DGKD: variants seen among roughly 807,000 people sequenced by gnomAD.
The protein encoded by DGKD is diacylglycerol kinase delta.
Under a neutral mutation model 154.4 loss-of-function variants are expected in DGKD, and 68 were observed. The ratio of observed to expected loss-of-function variants is 0.44; its 90% confidence interval spans 0.36 to 0.54. The LOEUF is 0.54. DGKD is among the 20% of genes least tolerant of loss of function. The pLI is 0.00. For missense variants in DGKD, 1,343 were observed against 1,593.6 expected (o/e 0.84, Z 2.68); for synonymous variants, 693 against 638.0 (o/e 1.09, Z -1.30).
At chr2:233,429,293 G>A (rs2062427105) in intron 3 of DGKD, 1 of 985,294 alleles carries the variant, frequency 1.0e-6, no homozygotes, top group East Asian at 1.1e-4. Flanking sequence ...CCCGAGTTAT[G>A]CACAGTAAGG....
intron 1 of DGKD, among the ~76,000 whole-genome samples, chr2:233,377,724 C>T (rs1702655007): frequency 6.6e-6 from 1 of 151,998 alleles, no homozygotes; most frequent in Non-Finnish European, 1.5e-5. Flanking sequence ...AAATGTTTGT[C>T]TTCAGGGCCA....
chr2:233,375,464 C>T (rs151197200), intron 1 of DGKD, among the ~76,000 whole-genome samples: 9 of 152,226 alleles, frequency 5.9e-5, no homozygotes, highest in Admixed American at 3.3e-4. Context: ...GGACTTTATT[C>T]TCCAAATGTC....
At chr2:233,430,165 T>C (rs1254615760) in intron 3 of DGKD, among the ~76,000 whole-genome samples, 1 of 152,208 alleles carries the variant, frequency 6.6e-6, no homozygotes, top group African/African-American at 2.4e-5. Flanking sequence ...GTGGGAATAA[T>C]TTGGCAATAG....
At chr2:233,413,854 T>C (rs924021966) in intron 3 of DGKD, among the ~76,000 whole-genome samples, 2 of 152,358 alleles carry the variant, frequency 1.3e-5, no homozygotes, top group South Asian at 2.1e-4. Flanking sequence ...GGAAAAAATA[T>C]TTTCAACCTT....
At chr2:233,463,793 T>C in intron 26 of DGKD, 1 of 287,376 alleles carries the variant, frequency 3.5e-6, no homozygotes, top group Admixed American at 4.4e-5. Context: ...GTGTCCTCAC[T>C]GCACACCTCC....
chr2:233,400,883 C>A (rs946945573), intron 3 of DGKD, among the ~76,000 whole-genome samples: 1 of 152,090 alleles, frequency 6.6e-6, no homozygotes, highest in Non-Finnish European at 1.5e-5. Flanking sequence ...GTTCAGTTGC[C>A]TTTTACTTCC....
chr2:233,382,067 C>T (rs1021812627), intron 1 of DGKD, among the ~76,000 whole-genome samples: 5 of 152,140 alleles, frequency 3.3e-5, no homozygotes, highest in Non-Finnish European at 7.4e-5. Flanking sequence ...AACCCTGTCT[C>T]TACTAAAAAT....
chr2:233,440,407 G>A lies in DGKD; in HGVS notation c.1086-1480G>A, dbSNP rs563255498. 2.0e-5 allele frequency among the ~76,000 whole-genome samples: 3 copies of A among 152,364 alleles called. No individual in the cohort carries two copies. The highest frequency in any genetic ancestry group is 2.1e-4 in the South Asian group (1 of 4,828). ...GGCAGGGTGCGCAGGTGAGCCAGGCGGGGAGTGCAGATGCAGGGAATGGGT... is the reference window on the plus strand; with the variant it reads ...GGCAGGGTGCGCAGGTGAGCCAGGCAGGGAGTGCAGATGCAGGGAATGGGT... On this transcript the variant is annotated intron_variant, in intron 9 of 29. Transcript: ENST00000264057. The surrounding 1 kb of genome is among the most constrained non-coding windows in gnomAD (Gnocchi z 4.9).
chr2:233,409,454 C>T (rs2061767878), intron 3 of DGKD, among the ~76,000 whole-genome samples: 1 of 150,630 alleles, frequency 6.6e-6, no homozygotes, highest in East Asian at 1.9e-4. Flanking sequence ...CATCTTTACT[C>T]AGTATGCTTT....
At chr2:233,382,543 C>G (rs920728157) in intron 1 of DGKD, among the ~76,000 whole-genome samples, 5 of 152,124 alleles carry the variant, frequency 3.3e-5, no homozygotes, top group Admixed American at 3.3e-4. Flanking sequence ...CTGCCTGCAG[C>G]CCCTCTGTCC....
At chr2:233,392,845 G>A (rs1703719454) in intron 3 of DGKD, among the ~76,000 whole-genome samples, 1 of 152,168 alleles carries the variant, frequency 6.6e-6, no homozygotes, top group African/African-American at 2.4e-5. Context: ...TTAGTAGCGT[G>A]TACTGTTGTG....
intron 1 of DGKD, among the ~76,000 whole-genome samples, chr2:233,363,272 G>T (rs940746664): frequency 6.6e-6 from 1 of 152,042 alleles, no homozygotes; most frequent in African/African-American, 2.4e-5. Flanking sequence ...TCCTGACTCT[G>T]TGTAGGTCTA....
At position 233,464,287 on chromosome 2, in the gene DGKD, T is replaced by C. The variant is rs778639329; in HGVS notation, c.3306+4T>C. 2.5e-6 allele frequency: 4 copies of C among 1,613,368 alleles called. No homozygotes were observed. The highest frequency in any genetic ancestry group is 4.5e-5 in the East Asian group (2 of 44,884). ...CGCAGAGCCCGGCGACGAAGAGGTATGTGGCTCATAGGGCTGTGCCTGGGT... is the reference window on the plus strand; with the variant it reads ...CGCAGAGCCCGGCGACGAAGAGGTACGTGGCTCATAGGGCTGTGCCTGGGT... On this transcript the variant is annotated splice_donor_region_variant and intron_variant, in intron 27 of 29. Coordinates refer to ENST00000264057, the MANE Select transcript of DGKD (RefSeq NM_152879.3).
intron 1 of DGKD, among the ~76,000 whole-genome samples, chr2:233,381,125 C>T (rs747296708): frequency 6.6e-6 from 1 of 152,186 alleles, no homozygotes; most frequent in South Asian, 2.1e-4. Context: ...CAGAGCTGAG[C>T]GGGATTCTGC....
intron 28 of DGKD, among the ~76,000 whole-genome samples, chr2:233,467,990 C>T (rs911553803): frequency 6.6e-6 from 1 of 152,146 alleles, no homozygotes; most frequent in Non-Finnish European, 1.5e-5. Flanking sequence ...TGGCCACAAT[C>T]ATGAGGACAT....
chr2:233,454,487 T>G (rs1339213483), intron 18 of DGKD: 6 of 496,516 alleles, frequency 1.2e-5, no homozygotes, highest in Non-Finnish European at 2.0e-5. Flanking sequence ...AGTTAGTTGC[T>G]GATGGCAGGA....
intron 3 of DGKD, among the ~76,000 whole-genome samples, chr2:233,419,584 T>C (rs1420892935): frequency 6.7e-6 from 1 of 149,266 alleles, no homozygotes; most frequent in Admixed American, 6.6e-5. Flanking sequence ...GGCTGGAATT[T>C]TTAAGGTATA....
chr2:233,460,475 C>A (rs112497682), intron 24 of DGKD, 130 bp downstream of exon 24: 3 of 1,226,306 alleles, frequency 2.4e-6, no homozygotes, highest in Admixed American at 5.7e-5. Flanking sequence ...CCATGAGGGC[C>A]GAGCCTGTTT....
In DGKD at chr2:233,446,772, C is replaced by T. The variant is rs138695274; in HGVS notation, c.1395C>T (p.Thr465=). 2.0e-4 allele frequency: 321 copies of T among 1,614,206 alleles called. 1 individual carries two copies. Among genetic ancestry groups the T allele is most frequent in the Non-Finnish European group, 2.4e-4 (288 of 1,180,040 alleles). Residue 465 remains threonine (T), a synonymous_variant, in exon 12 of 30, where the codon ACC becomes ACT. Coordinates refer to ENST00000264057, the MANE Select transcript of DGKD (RefSeq NM_152879.3). ...LPRQASSSTV[T]EDFSEDSEVQ... The stretch of plus-strand genomic sequence containing the variant: ...GGCAGGCCTCCTCCTCTACCGTCAC[C>T]GAAGACTTCAGCGAGGATTCCGAGG...
Sources: allele counts gnomAD v4.1 joint callset (sites outside exome capture counted in the v4.1 genomes callset), GRCh38; gene constraint gnomAD v4.1.1; non-coding constraint Gnocchi (gnomAD v3.1); transcripts MANE v1.5; gene names NCBI Gene and HGNC (gene_info 2026-07-23, HGNC 2026-07-21).